Variants in RTL4 observed in about 807,000 individuals in gnomAD.
RTL4 encodes retrotransposon Gag-like protein 4.
A neutral mutation model predicts 5.3 loss-of-function variants in RTL4; 4 were observed. The observed-to-expected ratio is 0.75, with a 90% CI of 0.37 to 1.72. The LOEUF (loss-of-function observed/expected upper bound fraction) is 1.72. RTL4 is among the 40% of genes most tolerant of loss of function. The pLI is 0.04. For synonymous variants in RTL4, 98 were observed against 87.3 expected (o/e 1.12, Z -0.68); for missense variants, 260 against 227.1 (o/e 1.14, Z -0.93).
the RTL4 span, among the ~76,000 whole-genome samples, chrX:112,302,762 A>G: frequency 8.9e-6 from 1 of 112,620 alleles, no homozygotes; most frequent in Non-Finnish European, 1.9e-5. Flanking sequence ...AAATTGGTGA[A>G]TGAGATAAAG....
At chrX:112,183,058 G>A in the RTL4 span, among the ~76,000 whole-genome samples, 3 of 111,884 alleles carry the variant, frequency 2.7e-5, no homozygotes, top group South Asian at 3.7e-4. Flanking sequence ...ATATCCAGCC[G>A]AACTAAGCTT....
chrX:112,385,258 ACC>A, the RTL4 span, among the ~76,000 whole-genome samples: 1 of 110,224 alleles, frequency 9.1e-6, no homozygotes, highest in African/African-American at 3.3e-5. Flanking sequence ...ACTTGAAGAA[ACC>A]TTGTCTAACC....
the RTL4 span, among the ~76,000 whole-genome samples, chrX:112,401,633 A>G: frequency 9.0e-6 from 1 of 110,743 alleles, no homozygotes; most frequent in Non-Finnish European, 1.9e-5. Context: ...TTTTTACATT[A>G]ACACCCTTTA....
At chrX:112,181,499 G>C in the RTL4 span, among the ~76,000 whole-genome samples, 1 of 111,474 alleles carries the variant, frequency 9.0e-6, no homozygotes. Flanking sequence ...GTGGGGGGAA[G>C]GGGGTCTGCC....
chrX:112,386,727 A>T, the RTL4 span, among the ~76,000 whole-genome samples: 3 of 112,054 alleles, frequency 2.7e-5, no homozygotes, highest in African/African-American at 9.7e-5. Context: ...TCATATATGT[A>T]TGCCACAATT....
chrX:112,432,906 G>A, the RTL4 span, among the ~76,000 whole-genome samples: 2 of 111,768 alleles, frequency 1.8e-5, no homozygotes, highest in African/African-American at 6.5e-5. Context: ...ATTAATTTTT[G>A]TATAAGGTGT....
the RTL4 span, among the ~76,000 whole-genome samples, chrX:112,170,831 C>T: frequency 2.7e-5 from 3 of 111,633 alleles, no homozygotes; most frequent in African/African-American, 9.8e-5. Context: ...TGCTGCTTTT[C>T]AAGGCGTATG....
the RTL4 span, among the ~76,000 whole-genome samples, chrX:112,248,400 G>A: frequency 8.9e-6 from 1 of 112,299 alleles, no homozygotes; most frequent in East Asian, 2.8e-4. Context: ...TTGTCAGATA[G>A]TTTAAGCCAT....
the RTL4 span, among the ~76,000 whole-genome samples, chrX:112,213,781 A>T: frequency 9.1e-6 from 1 of 110,184 alleles, no homozygotes; most frequent in Non-Finnish European, 1.9e-5. Context: ...TACCAATTAA[A>T]CAACTCCCCA....
the RTL4 span, among the ~76,000 whole-genome samples, chrX:112,091,337 G>T: frequency 9.0e-6 from 1 of 111,481 alleles, no homozygotes; most frequent in Non-Finnish European, 1.9e-5. Flanking sequence ...TGTAAGTTAG[G>T]TTATTAATTT....
the RTL4 span, among the ~76,000 whole-genome samples, chrX:112,336,682 A>G: frequency 8.9e-6 from 1 of 112,473 alleles, no homozygotes; most frequent in East Asian, 2.8e-4. Flanking sequence ...CATATACTCA[A>G]TAGCCACACG....
chrX:112,243,707 T>C, the RTL4 span, among the ~76,000 whole-genome samples: 1 of 111,817 alleles, frequency 8.9e-6, no homozygotes, highest in Non-Finnish European at 1.9e-5. Flanking sequence ...TCAGTTCTGC[T>C]CTGATCTTCG....
chrX:112,358,188 C>T, the RTL4 span, among the ~76,000 whole-genome samples: 1 of 110,653 alleles, frequency 9.0e-6, no homozygotes, highest in Non-Finnish European at 1.9e-5. Context: ...GCAGATTCAA[C>T]TTCTGGGGTT....
the RTL4 span, among the ~76,000 whole-genome samples, chrX:112,157,981 T>C: frequency 1.4e-4 from 16 of 111,674 alleles, no homozygotes; most frequent in East Asian, 4.3e-3. Context: ...ACACTACTTT[T>C]GACTGCTCTG....
chrX:112,357,937 T>C, the RTL4 span, among the ~76,000 whole-genome samples: 1,022 of 111,802 alleles, frequency 9.1e-3, 14 homozygotes, highest in African/African-American at 0.032. Flanking sequence ...TTCTTATGTT[T>C]GGAGCCCCAA....
the RTL4 span, among the ~76,000 whole-genome samples, chrX:112,403,414 C>A: frequency 2.7e-5 from 3 of 111,849 alleles, no homozygotes; most frequent in South Asian, 3.8e-4. Context: ...TTAGTGAGTT[C>A]ACTGAACTGA....
At chrX:112,419,595 T>TTACATATGTATATGTATATATATATA in the RTL4 span, among the ~76,000 whole-genome samples, 375 of 28,027 alleles carry the variant, frequency 0.013, 11 homozygotes, top group South Asian at 0.025. Flanking sequence ...ATATATATAT[T>TTACATATGTATATGTATATATATATA]TTTACATATG....
chrX:112,353,447 C>T, the RTL4 span, among the ~76,000 whole-genome samples: 108 of 111,149 alleles, frequency 9.7e-4, no homozygotes, highest in African/African-American at 3.3e-3. Context: ...TATCCAACAA[C>T]GATAGACTGG....
the RTL4 span, among the ~76,000 whole-genome samples, chrX:112,329,083 A>G: frequency 2.7e-5 from 3 of 110,888 alleles, no homozygotes; most frequent in Admixed American, 9.6e-5. Flanking sequence ...ACACCCTAAC[A>G]TCACAATTAA....
Sources: gnomAD v4.1 joint callset for allele counts (sites outside exome capture counted in the v4.1 genomes callset) on GRCh38, gnomAD v4.1.1 for gene constraint, MANE v1.5 for transcripts, NCBI Gene and HGNC (gene_info 2026-07-23, HGNC 2026-07-21) for gene names.